Variants in FHOD3 observed in about 807,000 individuals in gnomAD.
FHOD3 encodes the protein formin homology 2 domain containing 3.
A neutral mutation model predicts 173.0 loss-of-function variants in FHOD3; 90 were observed. That is an observed-to-expected ratio of 0.52 (90% CI 0.44 to 0.62). The LOEUF (loss-of-function observed/expected upper bound fraction) is 0.62. FHOD3 is among the 20% of genes least tolerant of loss of function. The pLI is 0.00. For missense variants in FHOD3, 1,945 were observed against 2,034.7 expected, an observed-to-expected ratio of 0.96 and a Z score of 0.85; for synonymous variants, 828 against 823.0, an observed-to-expected ratio of 1.01 and a Z score of -0.10.
At chr18:36,385,524 G>A (rs1167944176) in intron 3 of FHOD3, among the ~76,000 whole-genome samples, 1 of 152,104 alleles carries the variant, frequency 6.6e-6, no homozygotes, top group Non-Finnish European at 1.5e-5. Context: ...AGCCTTGTGA[G>A]TGGCTGGGAT....
chr18:36,468,491 G>A (rs575611118), intron 3 of FHOD3, among the ~76,000 whole-genome samples: 44 of 152,284 alleles, frequency 2.9e-4, no homozygotes, highest in Admixed American at 1.4e-3. Context: ...GGAGTCTGCC[G>A]TGGGCGAGGG....
At chr18:36,770,570 G>A (rs1459087427) in intron 28 of FHOD3, among the ~76,000 whole-genome samples, 1 of 152,180 alleles carries the variant, frequency 6.6e-6, no homozygotes, top group African/African-American at 2.4e-5. Flanking sequence ...TGAGGTTGGG[G>A]TGGGGGTGCA....
At chr18:36,300,481 G>A (rs1313828403) in intron 1 of FHOD3, among the ~76,000 whole-genome samples, 1 of 152,222 alleles carries the variant, frequency 6.6e-6, no homozygotes, top group Non-Finnish European at 1.5e-5. Flanking sequence ...ACTCTGCTGT[G>A]AATTAGCTAT....
chr18:36,599,154 C>G (rs1280519830), intron 7 of FHOD3, among the ~76,000 whole-genome samples: 1 of 152,188 alleles, frequency 6.6e-6, no homozygotes, highest in African/African-American at 2.4e-5. Flanking sequence ...TTGATTGACA[C>G]CCCTCTGCTG....
At chr18:36,689,997 T>C (rs1600252828) in intron 16 of FHOD3, among the ~76,000 whole-genome samples, 1 of 152,012 alleles carries the variant, frequency 6.6e-6, no homozygotes, top group Non-Finnish European at 1.5e-5. Context: ...AGTAAGTAGG[T>C]CTAGGTTAAT....
rs534986930 is a variant in FHOD3, at chr18:36,496,015, A to G, written c.338-5917A>G. On this transcript the variant is annotated intron_variant, in intron 3 of 28. Coordinates refer to ENST00000590592, the MANE Select transcript of FHOD3 (RefSeq NM_001281740.3). ...TCTTTGGGAATCTGGCAGGCCAGGTACCGTTCCTGGTTGAGCCCTTCACAT... is the reference window on the plus strand; with the variant it reads ...TCTTTGGGAATCTGGCAGGCCAGGTGCCGTTCCTGGTTGAGCCCTTCACAT... Among the ~76,000 whole-genome samples, 3 of 152,364 alleles carry G rather than the reference A, an allele frequency of 2.0e-5. No individual in the cohort carries two copies. The South Asian group carries it at 6.2e-4, about 32-fold the overall frequency.
intron 14 of FHOD3, among the ~76,000 whole-genome samples, chr18:36,670,209 G>T (rs938023068): frequency 2.0e-5 from 3 of 151,856 alleles, no homozygotes; most frequent in African/African-American, 7.3e-5. Context: ...GATATGCCTT[G>T]GTGTAGTTTT....
At chr18:36,754,976 T>TTATTA (rs1555838751) in intron 24 of FHOD3, 143 bp from the exon 25 acceptor site, 6 of 167,734 alleles carry the variant, frequency 3.6e-5, no homozygotes, top group African/African-American at 1.5e-4. Flanking sequence ...TGTTGGTTTC[T>TTATTA]TTATTATTAT....
chr18:36,652,921 G>A lies in FHOD3; in HGVS notation c.1638G>A (p.Lys546=), dbSNP rs1324618745. The part of the protein sequence containing the change: ...STKEKEAESQ[K]ENSSSDSFSL... ...AGGAGAAGGAAGCAGAGTCCCAGAA[G>A]GAAAACAGGTAGATTTGCTCACCTG... The change falls in exon 12 of 29, where the codon AAG becomes AAA. Residue 546 remains lysine (K), a synonymous_variant. Coordinates refer to ENST00000590592, the MANE Select transcript of FHOD3 (RefSeq NM_001281740.3). The A allele has an allele frequency of 6.5e-7, 1 of 1,531,212 alleles. No homozygotes were observed. 94.9% of individuals were successfully genotyped at this position (1,531,212 alleles called of 1,614,324 possible).
In FHOD3 at chr18:36,780,003, AATAC is replaced by A. The variant is rs1219755536; in HGVS notation, c.*480_*483del. 9.0e-6 allele frequency: 5 copies of A among 557,716 alleles called. No individual in the cohort carries two copies. The highest frequency in any genetic ancestry group is 3.9e-5 in the African/African-American group (2 of 51,544). 34.5% of individuals were successfully genotyped at this position (557,716 alleles called of 1,614,324 possible). ...TTTAGATGTAACAAATGTTTATACA[AATAC>A]ATACATGTACACCATGTTTCAAATA... is the stretch of plus-strand genomic sequence containing the variant. On this transcript the variant is annotated 3_prime_UTR_variant, in exon 29 of 29. Coordinates refer to ENST00000590592, the MANE Select transcript of FHOD3 (RefSeq NM_001281740.3).
chr18:36,746,586 G>A (rs931997032), intron 23 of FHOD3, among the ~76,000 whole-genome samples: 3 of 152,084 alleles, frequency 2.0e-5, no homozygotes, highest in African/African-American at 4.8e-5. Flanking sequence ...AAATATTATC[G>A]CTGAAGAATA....
chr18:36,604,155 G>C (rs1002286267), intron 8 of FHOD3, among the ~76,000 whole-genome samples: 2 of 152,112 alleles, frequency 1.3e-5, no homozygotes, highest in Non-Finnish European at 2.9e-5. Flanking sequence ...CATTTGGATC[G>C]ACATGCCTTA....
intron 1 of FHOD3, among the ~76,000 whole-genome samples, chr18:36,305,625 T>C (rs551926765): frequency 4.9e-4 from 75 of 152,324 alleles, no homozygotes; most frequent in African/African-American, 1.7e-3. Flanking sequence ...CCAAGGCATC[T>C]TCTGACTGCT....
chr18:36,641,070 A>C (rs928439749), intron 10 of FHOD3, among the ~76,000 whole-genome samples: 10 of 152,158 alleles, frequency 6.6e-5, no homozygotes, highest in Non-Finnish European at 2.9e-5. Context: ...CCCTTGGATC[A>C]TGCATAGCAA....
In FHOD3 at chr18:36,309,605, C is replaced by T. The variant is rs374279788; in HGVS notation, c.165+11605C>T. Among the ~76,000 whole-genome samples the T allele has an allele frequency of 1.6e-4, 24 of 152,300 alleles. No homozygotes were observed. In the East Asian group the frequency reaches 3.5e-3, roughly 22 times the overall value. On this transcript the variant is annotated intron_variant, in intron 1 of 28. Transcript: ENST00000590592. ...TGTGAATCACCAGACACCGGCAGTC[C>T]GGGAGCGGCTAGTGTCTGAGCTGCC...
At chr18:36,735,755 C>T (rs2041598774) in intron 20 of FHOD3, among the ~76,000 whole-genome samples, 1 of 152,184 alleles carries the variant, frequency 6.6e-6, no homozygotes, top group South Asian at 2.1e-4. Flanking sequence ...CTTCAACTTT[C>T]AACTTTGGTC....
chr18:36,744,980 C>T (rs2042079906), intron 23 of FHOD3, among the ~76,000 whole-genome samples: 1 of 152,136 alleles, frequency 6.6e-6, no homozygotes, highest in Non-Finnish European at 1.5e-5. Flanking sequence ...AAGGAACCTT[C>T]TAGAAACACT....
Position 36,413,600 on chromosome 18 carries a change from T to C in FHOD3, c.337+40856T>C, listed in dbSNP as rs7238212. On this transcript the variant is annotated intron_variant, in intron 3 of 28. Coordinates refer to ENST00000590592, the MANE Select transcript of FHOD3 (RefSeq NM_001281740.3). Reference sequence around the variant, plus strand: ...CAGATCTCTATTTATCAAGCACAGCTGCACCCCTCATGTTAGGCAGCCTGG... The same window carrying C: ...CAGATCTCTATTTATCAAGCACAGCCGCACCCCTCATGTTAGGCAGCCTGG... Among the ~76,000 whole-genome samples, 1,362 of 152,308 alleles carry C rather than the reference T, an allele frequency of 8.9e-3. 21 individuals are homozygous for C. Among genetic ancestry groups the C allele is most frequent in the African/African-American group, 0.031 (1,305 of 41,570 alleles).
chr18:36,446,205 G>T (rs2051462099), intron 3 of FHOD3, among the ~76,000 whole-genome samples: 1 of 152,188 alleles, frequency 6.6e-6, no homozygotes, highest in Admixed American at 6.5e-5. Context: ...GGTCCTCCAC[G>T]GCTGGCGCTC....
Sources: allele counts gnomAD v4.1 joint callset (sites outside exome capture counted in the v4.1 genomes callset), GRCh38; gene constraint gnomAD v4.1.1; transcripts MANE v1.5; gene names NCBI Gene and HGNC (gene_info 2026-07-23, HGNC 2026-07-21).